The following PID1 variants were observed in gnomAD, a reference collection of about 807,000 sequenced individuals.
PID1 encodes the protein phosphotyrosine interaction domain containing 1, also known as PTB-containing, cubilin and LRP1-interacting protein.
A neutral mutation model predicts 19.1 loss-of-function variants in PID1; 10 were observed. That is an observed-to-expected ratio of 0.52 (90% CI 0.32 to 0.89). The LOEUF (loss-of-function observed/expected upper bound fraction) is 0.89, where lower values mean the gene tolerates loss of function less well. PID1 is among the 40% of genes least tolerant of loss of function. The pLI is 0.03. For missense variants in PID1, 248 were observed against 285.3 expected, an observed-to-expected ratio of 0.87 and a Z score of 0.94; for synonymous variants, 130 against 116.0, an observed-to-expected ratio of 1.12 and a Z score of -0.78.
chr2:229,217,658 G>A (rs1179814839), intron 1 of PID1, among the ~76,000 whole-genome samples: 1 of 152,144 alleles, frequency 6.6e-6, no homozygotes, highest in Non-Finnish European at 1.5e-5. Flanking sequence ...GTCTCCAAAA[G>A]CTTCAAATAA....
At chr2:229,267,770 C>A (rs907380871) in intron 1 of PID1, among the ~76,000 whole-genome samples, 4 of 152,152 alleles carry the variant, frequency 2.6e-5, no homozygotes, top group African/African-American at 9.7e-5. Context: ...GAAACTCATA[C>A]AAATTTTAAA....
intron 2 of PID1, among the ~76,000 whole-genome samples, chr2:229,142,005 G>GA (rs5839308): frequency 0.024 from 3,574 of 149,668 alleles, 147 homozygotes; most frequent in African/African-American, 0.083. Flanking sequence ...GGGATGTAAT[G>GA]AAAAAAAAAA....
chr2:229,029,567 G>A (rs1186624043), intron 2 of PID1, among the ~76,000 whole-genome samples: 1 of 152,116 alleles, frequency 6.6e-6, no homozygotes, highest in Non-Finnish European at 1.5e-5. Flanking sequence ...TAGAGGCCGG[G>A]CGCAGTGGCT....
In PID1 at chr2:229,124,982, C is replaced by T. The variant is rs143768255; in HGVS notation, c.177+30836G>A. Among the ~76,000 whole-genome samples the T allele has an allele frequency of 1.7e-3, 264 of 152,194 alleles. 1 individual carries two copies. The highest frequency in any genetic ancestry group is 3.0e-3 in the Non-Finnish European group (207 of 68,000). On this transcript the variant is annotated intron_variant, in intron 2 of 2. Transcript: ENST00000392055. ...TTGAACTTAAGGCTAAATGTCTATA[C>T]GTGTGTGAGTGTGTGTCTGTTGGTA...
At chr2:229,045,976 G>A (rs1003734787) in intron 2 of PID1, among the ~76,000 whole-genome samples, 1 of 152,182 alleles carries the variant, frequency 6.6e-6, no homozygotes. Context: ...CCTGCCTTAA[G>A]TGCCACAGCC....
At chr2:229,036,131 C>T (rs1208626289) in intron 2 of PID1, among the ~76,000 whole-genome samples, 1 of 152,172 alleles carries the variant, frequency 6.6e-6, no homozygotes, top group Non-Finnish European at 1.5e-5. Context: ...TACTAGACAA[C>T]ACATGCTAAA....
chr2:229,243,665 G>GA (rs1211752965), intron 1 of PID1, among the ~76,000 whole-genome samples: 1 of 152,012 alleles, frequency 6.6e-6, no homozygotes, highest in Non-Finnish European at 1.5e-5. Flanking sequence ...GCCCAAAGAT[G>GA]AAAAACAAGA....
intron 1 of PID1, among the ~76,000 whole-genome samples, chr2:229,179,248 T>C (rs1479784313): frequency 6.6e-6 from 1 of 152,108 alleles, no homozygotes; most frequent in Non-Finnish European, 1.5e-5. Context: ...TGGCCAGTCC[T>C]CGCAGACAGA....
intron 1 of PID1, among the ~76,000 whole-genome samples, chr2:229,184,962 CAT>C (rs1559275205): frequency 1.6e-4 from 14 of 88,668 alleles, no homozygotes; most frequent in African/African-American, 6.1e-4. Context: ...TATAAAATCC[CAT>C]ATATATACTA....
At position 229,185,024 on chromosome 2, in the gene PID1, ATAC is replaced by A. The variant is rs1691093316; in HGVS notation, c.31-29063_31-29061del. Reference sequence around the variant, plus strand: ...TATATACACTATATATACTATATGTATACTATATATCCTATATATATGCTACAT... The same window carrying A: ...TATATACACTATATATACTATATGTATATATATCCTATATATATGCTACAT... On this transcript the variant is annotated intron_variant, in intron 1 of 2. Coordinates refer to ENST00000392055, the MANE Select transcript of PID1 (RefSeq NM_001100818.2). Among the ~76,000 whole-genome samples the A allele has an allele frequency of 1.4e-5, 2 of 144,728 alleles. 1 individual carries two copies. Among genetic ancestry groups the A allele is most frequent in the South Asian group, 4.3e-4 (2 of 4,682 alleles). The allele number at this position is 144,728 out of a possible 152,430, so 94.9% of individuals were successfully genotyped here.
chr2:229,263,549 C>G (rs1690511891), intron 1 of PID1, among the ~76,000 whole-genome samples: 1 of 152,160 alleles, frequency 6.6e-6, no homozygotes, highest in Admixed American at 6.5e-5. Context: ...GAACACCCAC[C>G]CTCAGGCCAA....
At chr2:229,174,444 G>C (rs1473830944) in intron 1 of PID1, among the ~76,000 whole-genome samples, 1 of 152,180 alleles carries the variant, frequency 6.6e-6, no homozygotes, top group African/African-American at 2.4e-5. Context: ...TAAATGTAAA[G>C]TGAACAATTA....
At chr2:229,194,016 C>G (rs1559279338) in intron 1 of PID1, among the ~76,000 whole-genome samples, 1 of 152,066 alleles carries the variant, frequency 6.6e-6, no homozygotes. Context: ...CCATGTATAA[C>G]AAGAATAATC....
At chr2:229,030,311 G>C (rs915499943) in intron 2 of PID1, among the ~76,000 whole-genome samples, 1 of 152,210 alleles carries the variant, frequency 6.6e-6, no homozygotes, top group Non-Finnish European at 1.5e-5. Flanking sequence ...AGCTTTGCAA[G>C]ATGAAGACAG....
intron 1 of PID1, among the ~76,000 whole-genome samples, chr2:229,193,393 A>C (rs1178253205): frequency 6.6e-6 from 1 of 152,174 alleles, no homozygotes; most frequent in Non-Finnish European, 1.5e-5. Context: ...TGCTGCTCTA[A>C]GGCTTGTTCT....
At chr2:229,083,347 C>T (rs1421093207) in intron 2 of PID1, among the ~76,000 whole-genome samples, 5 of 152,100 alleles carry the variant, frequency 3.3e-5, no homozygotes, top group South Asian at 2.1e-4. Flanking sequence ...ACTACTTGGC[C>T]GTGCTACAAT....
intron 2 of PID1, among the ~76,000 whole-genome samples, chr2:229,090,470 G>A (rs965275386): frequency 6.6e-6 from 1 of 152,164 alleles, no homozygotes; most frequent in African/African-American, 2.4e-5. Context: ...ATGAGAGTCA[G>A]GTGGTTGTCA....
At chr2:229,156,250 T>C (rs1173108206) in intron 1 of PID1, among the ~76,000 whole-genome samples, 1 of 152,200 alleles carries the variant, frequency 6.6e-6, no homozygotes, top group Non-Finnish European at 1.5e-5. Context: ...TCCAACGTAC[T>C]GTATACAGAT....
At chr2:229,193,287 A>G (rs1202566365) in intron 1 of PID1, among the ~76,000 whole-genome samples, 1 of 152,184 alleles carries the variant, frequency 6.6e-6, no homozygotes, top group Non-Finnish European at 1.5e-5. Context: ...CCCCTTGTCC[A>G]TGCCTTTTCC....
Sources: gnomAD v4.1 joint callset for allele counts (sites outside exome capture counted in the v4.1 genomes callset) on GRCh38, gnomAD v4.1.1 for gene constraint, MANE v1.5 for transcripts, NCBI Gene and HGNC (gene_info 2026-07-23, HGNC 2026-07-21) for gene names.